Variants in CDHR2 observed in about 807,000 individuals in gnomAD.
CDHR2 encodes cadherin related family member 2.
Under a neutral mutation model 138.6 loss-of-function variants are expected in CDHR2, and 104 were observed. That is an observed-to-expected ratio of 0.75 (90% confidence interval 0.64 to 0.88). CDHR2 has a LOEUF of 0.88. Among genes scored for constraint, CDHR2 ranks in the 40% least tolerant of loss-of-function variants. The pLI, the probability that CDHR2 is intolerant of heterozygous loss-of-function variation, is 0.00. For synonymous variants in CDHR2, 755 were observed against 742.8 expected (o/e 1.02, Z -0.27); for missense variants, 1,624 against 1,727.6 (o/e 0.94, Z 1.06).
chr5:176,581,650 A>G lies in CDHR2; in HGVS notation c.2058+68A>G, dbSNP rs547176905. ...GCCGATAGCCAGCCCCTCCAGCTTG[A>G]GTCACACTTCTGCCCTCTGCAGCCA... On this transcript the variant is annotated intron_variant, in intron 17 of 31. Coordinates refer to ENST00000261944, the MANE Select transcript of CDHR2 (RefSeq NM_017675.6). 3.0e-5 allele frequency: 47 copies of G among 1,583,660 alleles called. No individual in the cohort carries two copies. The Admixed American group carries it at 4.4e-4, about 15-fold the overall frequency.
chr5:176,590,415 C>G lies in CDHR2; in HGVS notation c.3354-10C>G. 1.9e-6 allele frequency: 3 copies of G among 1,614,176 alleles called. No individual in the cohort carries two copies. Among genetic ancestry groups the G allele is most frequent in the Non-Finnish European group, 2.5e-6 (3 of 1,180,014 alleles). ...AGGTCCCTCGGGCCTAAGTGGAGTT[C>G]TGTGGCCAGGATGATCCGGAATGAT... On this transcript the variant is annotated splice_polypyrimidine_tract_variant and intron_variant, in intron 26 of 31. Transcript: ENST00000261944.
intron 1 of CDHR2, 127 bp downstream of exon 1, chr5:176,549,541 C>A (rs1397632477): frequency 1.3e-5 from 2 of 152,246 alleles, no homozygotes; most frequent in African/African-American, 4.8e-5. Flanking sequence ...GGGGAAGTCA[C>A]ACGCTAGATG....
Position 176,590,145 on chromosome 5 carries a change from C to T in CDHR2, c.3274C>T (p.Arg1092Trp), listed in dbSNP as rs1438878369. Residue 1092 changes from arginine to tryptophan, a missense_variant and splice_region_variant, in exon 25 of 32, where the codon CGG (arginine) becomes TGG (tryptophan). Physicochemically the swap from Arg to Trp is moderately radical, Grantham distance 101. Transcript: ENST00000261944. ...CATTCAGGACATAGATTCTGCAGCT[C>T]GGTGAGTGCCCAGAGGCCTGGGGGT... is the stretch of plus-strand genomic sequence containing the variant. Reference protein sequence around the residue: ...VDIQDIDSAARARPHSYLDAY... With the variant: ...VDIQDIDSAAWARPHSYLDAY... The T allele has an allele frequency of 1.1e-5, 17 of 1,613,242 alleles. No individual in the cohort carries two copies. The highest frequency in any genetic ancestry group is 6.7e-5 in the East Asian group (3 of 44,886).
At chr5:176,550,218 G>T (rs1757675605) in intron 1 of CDHR2, among the ~76,000 whole-genome samples, 1 of 152,220 alleles carries the variant, frequency 6.6e-6, no homozygotes, top group African/African-American at 2.4e-5. Flanking sequence ...TCCTCACTCT[G>T]CTTCTCAGCA....
In CDHR2 at chr5:176,543,563, G is replaced by T. The variant is rs1757510917; in HGVS notation, c.-16+794G>T. On this transcript the variant is annotated intron_variant, in intron 1 of 31. Transcript: ENST00000510636. The surrounding 1 kb of genome is among the most constrained non-coding windows in gnomAD (Gnocchi z 4.0). ...GTCAGTCGGCCAGGGGTGCGTAAGG[G>T]CGCGGCGCCTGGGGCCTGGCAGCCT... 1 of 152,276 alleles carries T rather than the reference G, an allele frequency of 6.6e-6. No homozygotes were observed. The highest frequency in any genetic ancestry group is 1.5e-5 in the Non-Finnish European group (1 of 68,126). 9.4% of individuals were successfully genotyped at this position (152,276 alleles called of 1,614,324 possible). A position where few individuals can be genotyped will look rare whatever the true frequency, so the allele number is the denominator to read the frequency against.
Position 176,586,836 on chromosome 5 carries a change from T to C in CDHR2, c.2850T>C (p.Ser950=). 1 of 1,609,682 alleles carries C rather than the reference T, an allele frequency of 6.2e-7. No homozygotes were observed. The highest frequency in any genetic ancestry group is 8.5e-7 in the Non-Finnish European group (1 of 1,178,088). The change falls in exon 21 of 32, where the codon TCT becomes TCC. Residue 950 remains serine (S), a synonymous_variant. Coordinates refer to ENST00000261944, the MANE Select transcript of CDHR2 (RefSeq NM_017675.6). ...TGCTGCCCAACCGGGAGGTGGCTTC[T>C]GTCCGGGTAAGTTCTTGGCTCCAGC... ...ELVLPNREVA[S]VRARDDDSGN... is the part of the protein sequence containing the mutation.
At position 176,590,425 on chromosome 5, in the gene CDHR2, G is replaced by A. The variant is rs1430971061; in HGVS notation, c.3354G>A (p.Val1118=). 1 of 1,613,976 alleles carries A rather than the reference G, an allele frequency of 6.2e-7. No homozygotes were observed. Among genetic ancestry groups the A allele is most frequent in the African/African-American group, 1.3e-5 (1 of 74,910 alleles). ...GSALTLDELS[V]MIRNDQDSLT... ...GGCCTAAGTGGAGTTCTGTGGCCAG[G>A]ATGATCCGGAATGATCAGGACTCGC... Residue 1118 remains valine (V), a splice_region_variant and synonymous_variant, in exon 27 of 32, where the codon GTG becomes GTA. Coordinates refer to ENST00000261944, the MANE Select transcript of CDHR2 (RefSeq NM_017675.6).
chr5:176,581,308 G>C, intron 16 of CDHR2, 35 bp from the exon 17 acceptor site: 1 of 1,606,934 alleles, frequency 6.2e-7, no homozygotes, highest in Non-Finnish European at 8.5e-7. Flanking sequence ...TGGGAATGCC[G>C]ATGGCCGATG....
At chr5:176,564,235 G>T (rs1758031507) in intron 1 of CDHR2, among the ~76,000 whole-genome samples, 1 of 152,124 alleles carries the variant, frequency 6.6e-6, no homozygotes, top group African/African-American at 2.4e-5. Context: ...TCCCAGGCTG[G>T]AATGCGATGG....
intron 3 of CDHR2, 40 bp downstream of exon 3, chr5:176,565,783 G>T: frequency 6.4e-7 from 1 of 1,562,872 alleles, no homozygotes; most frequent in South Asian, 1.1e-5. Flanking sequence ...GTCAGGTCCT[G>T]ACCCACAGGA....
rs766071422 is a variant in CDHR2, at chr5:176,578,488, G to A, written c.1698G>A (p.Leu566=). ...TGCAGGCCACAGACGGCGGGAACCT[G>A]TCCTCCTCCACCACACTGCAGATCC... The part of the protein sequence containing the change: ...LTLQATDGGN[L]SSSTTLQIHL... The change falls in exon 16 of 32, where the codon CTG becomes CTA. Residue 566 remains leucine (L), a synonymous_variant. Transcript: ENST00000261944. 1.2e-6 allele frequency: 2 copies of A among 1,613,844 alleles called. No individual in the cohort carries two copies. The highest frequency in any genetic ancestry group is 1.7e-5 in the Admixed American group (1 of 59,970).
chr5:176,578,170 T>G, intron 15 of CDHR2, 75 bp downstream of exon 15: 4 of 1,416,374 alleles, frequency 2.8e-6, no homozygotes, highest in Non-Finnish European at 3.9e-6. Flanking sequence ...TCTGCAGAGA[T>G]AGAATAGCTG....
Position 176,575,853 on chromosome 5 carries a change from C to G in CDHR2, c.960+14C>G, listed in dbSNP as rs999330008. On this transcript the variant is annotated intron_variant, in intron 11 of 31. Coordinates refer to ENST00000261944, the MANE Select transcript of CDHR2 (RefSeq NM_017675.6). Reference sequence around the variant, plus strand: ...CTGCAGGTCACGGTGAGCAAAGGCCCCACCACCCCTGTCAGAACCCTGCTC... The same window carrying G: ...CTGCAGGTCACGGTGAGCAAAGGCCGCACCACCCCTGTCAGAACCCTGCTC... 2 of 1,543,458 alleles carry G rather than the reference C, an allele frequency of 1.3e-6. No homozygotes were observed. The highest frequency in any genetic ancestry group is 1.8e-6 in the Non-Finnish European group (2 of 1,141,584).
At chr5:176,579,846 C>T (rs1178569636) in intron 16 of CDHR2, among the ~76,000 whole-genome samples, 1 of 152,120 alleles carries the variant, frequency 6.6e-6, no homozygotes, top group African/African-American at 2.4e-5. Flanking sequence ...GAGATGAGTC[C>T]ACCACCATTC....
intron 21 of CDHR2, among the ~76,000 whole-genome samples, chr5:176,587,737 A>T (rs182574006): frequency 1.0e-3 from 154 of 152,264 alleles, no homozygotes; most frequent in African/African-American, 3.5e-3. Flanking sequence ...GGTACAAGAG[A>T]TGGACAGGGC....
Position 176,560,078 on chromosome 5 carries a change from G to A in CDHR2, c.-15-5260G>A, listed in dbSNP as rs140612313. The stretch of plus-strand genomic sequence containing the variant: ...CCCTAACCAGCAAGGCCCCAAAGAT[G>A]TCAAAGCATCATAAAACACAGAAAA... On this transcript the variant is annotated intron_variant, in intron 1 of 31. Transcript: ENST00000261944. Among the ~76,000 whole-genome samples the A allele has an allele frequency of 8.7e-3, 1,325 of 152,304 alleles. 21 individuals carry two copies. Among genetic ancestry groups the A allele is most frequent in the South Asian group, 0.024 (114 of 4,826 alleles).
chr5:176,580,129 C>T (rs1046321103), intron 16 of CDHR2, among the ~76,000 whole-genome samples: 4 of 151,832 alleles, frequency 2.6e-5, no homozygotes, highest in African/African-American at 4.8e-5. Context: ...CACTCACGCA[C>T]GCACTCACAC....
At chr5:176,547,155 T>G (rs575577099), upstream of CDHR2, among the ~76,000 whole-genome samples, 4 of 152,154 alleles carry the variant, frequency 2.6e-5, no homozygotes, top group Non-Finnish European at 5.9e-5. Flanking sequence ...TTTTTTGTAT[T>G]TTTAGCAGAG....
chr5:176,554,074 G>C (rs1210022367), intron 1 of CDHR2, among the ~76,000 whole-genome samples: 2 of 152,204 alleles, frequency 1.3e-5, no homozygotes, highest in Non-Finnish European at 2.9e-5. Context: ...CAGTCTGGCT[G>C]AGTGCAGCCC....
Sources: gnomAD v4.1 joint callset for allele counts (sites outside exome capture counted in the v4.1 genomes callset) on GRCh38, gnomAD v4.1.1 for gene constraint, Gnocchi (gnomAD v3.1) non-coding constraint, MANE v1.5 for transcripts, NCBI Gene and HGNC (gene_info 2026-07-23, HGNC 2026-07-21) for gene names.